Variants in CCNB1 observed in about 807,000 individuals in gnomAD.
CCNB1 encodes cyclin B1, also known as G2/mitotic-specific cyclin-B1.
CCNB1 carries 26 observed loss-of-function variants against 44.4 expected under a neutral mutation model. That is an observed-to-expected ratio of 0.59 (90% CI 0.43 to 0.81). The LOEUF (loss-of-function observed/expected upper bound fraction) is 0.81, where lower values mean the gene tolerates loss of function less well. CCNB1 is among the 40% of genes least tolerant of loss of function. The pLI is 0.00. For missense variants in CCNB1, 477 were observed against 520.9 expected (o/e 0.92, Z 0.82); for synonymous variants, 195 against 181.4 (o/e 1.08, Z -0.60).
intron 7 of CCNB1, among the ~76,000 whole-genome samples, chr5:69,176,374 C>T (rs1479062163): frequency 5.3e-5 from 8 of 150,760 alleles, no homozygotes; most frequent in South Asian, 4.2e-4. Flanking sequence ...TTTGTTTTTT[C>T]GAGACGGAGT....
intron 3 of CCNB1, among the ~76,000 whole-genome samples, chr5:69,168,764 A>C (rs1223643775): frequency 6.6e-6 from 1 of 152,214 alleles, no homozygotes; most frequent in African/African-American, 2.4e-5. Flanking sequence ...TAAACATAGA[A>C]TGTTCTCTTG....
chr5:69,174,108 G>C, intron 4 of CCNB1, 143 bp from the exon 5 acceptor site: 1 of 668,270 alleles, frequency 1.5e-6, no homozygotes, highest in South Asian at 2.0e-5. Flanking sequence ...GTTGTTTGTG[G>C]TTGACCATAT....
Position 69,168,224 on chromosome 5 carries a change from C to T in CCNB1, c.244C>T (p.Pro82Ser). 6.2e-7 allele frequency: 1 copy of T among 1,614,182 alleles called. No homozygotes were observed. Among genetic ancestry groups the T allele is most frequent in the South Asian group, 1.1e-5 (1 of 91,074 alleles). The stretch of plus-strand genomic sequence containing the variant: ...AGTCATTGATAAAAAACTACCAAAA[C>T]CTCTTGAAAAGGTACCTATGCTGGT... ...GKVIDKKLPK[P>S]LEKVPMLVPV... is the part of the protein sequence containing the mutation. Residue 82 changes from proline to serine, a missense_variant, in exon 3 of 9, where the codon CCT (proline) becomes TCT (serine). By Grantham distance (74) the Pro-to-Ser change is moderately conservative (BLOSUM62 -1). Coordinates refer to ENST00000256442, the MANE Select transcript of CCNB1 (RefSeq NM_031966.4).
rs1270033376 is a variant in CCNB1 at position 69,175,489 on chromosome 5, A to G, written c.1035A>G (p.Ala345=). The G allele has an allele frequency of 1.9e-6, 3 of 1,614,192 alleles. No individual in the cohort carries two copies. In the Admixed American group the frequency reaches 5.0e-5, roughly 27 times the overall value. Residue 345 remains alanine (A), a synonymous_variant, in exon 7 of 9, where the codon GCA becomes GCG. Transcript: ENST00000256442. ...DMVHFPPSQI[A]AGAFCLALKI... Reference sequence around the variant, plus strand: ...TGCACTTTCCTCCTTCTCAAATTGCAGCAGGAGCTTTTTGCTTAGCACTGA... The same window carrying G: ...TGCACTTTCCTCCTTCTCAAATTGCGGCAGGAGCTTTTTGCTTAGCACTGA...
At position 69,178,045 on chromosome 5, in the gene CCNB1, G is replaced by A. The variant is rs921312299; in HGVS notation, c.*414G>A. On this transcript the variant is annotated 3_prime_UTR_variant, in exon 9 of 9. Coordinates refer to ENST00000256442, the MANE Select transcript of CCNB1 (RefSeq NM_031966.4). Reference sequence around the variant, plus strand: ...TATTTTAAAGTAAAAGTCTACCACCGAATCCCTAGTCCCCCTGTTTTCTGT... The same window carrying A: ...TATTTTAAAGTAAAAGTCTACCACCAAATCCCTAGTCCCCCTGTTTTCTGT... The A allele has an allele frequency of 3.2e-5, 5 of 153,886 alleles. No individual in the cohort carries two copies. The highest frequency in any genetic ancestry group is 2.0e-4 in the South Asian group (1 of 4,892). The allele number at this position is 153,886 out of a possible 1,614,324, so 9.5% of individuals were successfully genotyped here. A position where few individuals can be genotyped will look rare whatever the true frequency, so the allele number is the denominator to read the frequency against.
intron 8 of CCNB1, 28 bp downstream of exon 8, chr5:69,177,377 T>C (rs753491640): frequency 1.0e-5 from 15 of 1,447,462 alleles, no homozygotes; most frequent in Non-Finnish European, 1.5e-5. Context: ...CATTGTAAGA[T>C]GCTGAAAAGT....
At chr5:69,170,141 A>AT (rs1399484193) in intron 3 of CCNB1, among the ~76,000 whole-genome samples, 2 of 145,656 alleles carry the variant, frequency 1.4e-5, no homozygotes, top group Non-Finnish European at 3.0e-5. Flanking sequence ...TTTTTTTATT[A>AT]TTTTTTTATT....
In CCNB1 at chr5:69,171,469, G is replaced by A. The variant is rs373737881; in HGVS notation, c.546+17G>A. ...CAACTTGAGGTAAGTATTATCATTC[G>A]TTTTTTTTCTAAACTGCATCTAACT... On this transcript the variant is annotated intron_variant, in intron 4 of 8. Coordinates refer to ENST00000256442, the MANE Select transcript of CCNB1 (RefSeq NM_031966.4). 372 of 1,544,502 alleles carry A rather than the reference G, an allele frequency of 2.4e-4. 1 individual carries two copies. Among genetic ancestry groups the A allele is most frequent in the South Asian group, 1.8e-3 (153 of 83,156 alleles).
chr5:69,177,466 T>C lies in CCNB1; in HGVS notation c.1195-58T>C. ...ATGTTTTAAATGAATACCTGTATCA[T>C]TGCATCTTGTGATTTTTTTTCTTTT... On this transcript the variant is annotated intron_variant, in intron 8 of 8. Coordinates refer to ENST00000256442, the MANE Select transcript of CCNB1 (RefSeq NM_031966.4). 2.3e-6 allele frequency: 3 copies of C among 1,277,720 alleles called. No homozygotes were observed. In the East Asian group the frequency reaches 7.0e-5, roughly 30 times the overall value. The allele number at this position is 1,277,720 out of a possible 1,614,324, so 79.1% of individuals were successfully genotyped here. A position where few individuals can be genotyped will look rare whatever the true frequency, so the allele number is the denominator to read the frequency against.
chr5:69,174,732 T>C (rs426392), intron 5 of CCNB1, 145 bp from the exon 6 acceptor site: 438,967 of 745,988 alleles, frequency 0.59, 131,926 homozygotes, highest in African/African-American at 0.77. Flanking sequence ...AGAAATAAAC[T>C]GACTTTTTCA....
chr5:69,176,367 G>GT (rs1554057054), intron 7 of CCNB1, among the ~76,000 whole-genome samples: 4 of 150,426 alleles, frequency 2.7e-5, no homozygotes, highest in Non-Finnish European at 1.5e-5. Flanking sequence ...GTCTTTTTTT[G>GT]TTTTTTCGAG....
chr5:69,174,096 G>T (rs875459), intron 4 of CCNB1, among the ~76,000 whole-genome samples, 155 bp from the exon 5 acceptor site: 66,112 of 151,916 alleles, frequency 0.44, 14,443 homozygotes, highest in South Asian at 0.55. Context: ...CTTGGTGATG[G>T]TGTTGTTTGT....
intron 5 of CCNB1, 82 bp from the exon 6 acceptor site, chr5:69,174,795 A>C: frequency 8.6e-6 from 9 of 1,049,068 alleles, no homozygotes; most frequent in Non-Finnish European, 1.3e-5. Context: ...CTATGGGAGA[A>C]TGTCTTTCTA....
intron 8 of CCNB1, 80 bp from the exon 9 acceptor site, chr5:69,177,444 T>C: frequency 8.0e-7 from 1 of 1,256,216 alleles, no homozygotes; most frequent in African/African-American, 1.5e-5. Context: ...TGAGTTAATG[T>C]TTTAAATGAA....
In CCNB1 at chr5:69,171,352, T is replaced by C; in HGVS notation, c.446T>C (p.Val149Ala). The change falls in exon 4 of 9, where the codon GTA becomes GCA. Residue 149 changes from valine (V) to alanine (A), a missense_variant. Coordinates refer to ENST00000256442, the MANE Select transcript of CCNB1 (RefSeq NM_031966.4). The part of the protein sequence containing the change: ...EEDLCQAFSD[V>A]ILAVNDVDAE... ...GACCTGTGTCAGGCTTTCTCTGATGTAATTCTTGCAGTAAATGATGTGGAT... is the reference window on the plus strand; with the variant it reads ...GACCTGTGTCAGGCTTTCTCTGATGCAATTCTTGCAGTAAATGATGTGGAT... 3 of 1,614,114 alleles carry C rather than the reference T, an allele frequency of 1.9e-6. 1 individual carries two copies. In the South Asian group the frequency reaches 3.3e-5, roughly 18 times the overall value.
intron 7 of CCNB1, 114 bp from the exon 8 acceptor site, chr5:69,177,125 T>A (rs1237072926): frequency 1.8e-6 from 1 of 554,808 alleles, no homozygotes; most frequent in Non-Finnish European, 3.2e-6. Flanking sequence ...ATTTCAGTTA[T>A]ATTAATTATA....
chr5:69,176,510 C>T (rs1442545602), intron 7 of CCNB1, among the ~76,000 whole-genome samples: 1 of 150,028 alleles, frequency 6.7e-6, no homozygotes, highest in Non-Finnish European at 1.5e-5. Context: ...GTGCCTGCCA[C>T]CACGCCCGGC....
intron 7 of CCNB1, 100 bp from the exon 8 acceptor site, chr5:69,177,139 T>C (rs1747613344): frequency 3.1e-6 from 2 of 654,120 alleles, no homozygotes; most frequent in Non-Finnish European, 5.5e-6. Flanking sequence ...AATTATACAG[T>C]ACCCATCTCT....
chr5:69,174,828 T>C (rs1371577919), intron 5 of CCNB1, 49 bp from the exon 6 acceptor site: 21 of 1,415,718 alleles, frequency 1.5e-5, no homozygotes, highest in Non-Finnish European at 2.1e-5. Flanking sequence ...CATAGCTCTG[T>C]GTCTCCTTTT....
Sources: gnomAD v4.1 joint callset for allele counts (sites outside exome capture counted in the v4.1 genomes callset) on GRCh38, gnomAD v4.1.1 for gene constraint, MANE v1.5 for transcripts, NCBI Gene and HGNC (gene_info 2026-07-23, HGNC 2026-07-21) for gene names.